Variants in CENPS observed in about 807,000 individuals in gnomAD.
The protein encoded by CENPS is centromere protein S.
A neutral mutation model predicts 17.9 loss-of-function variants in CENPS; 16 were observed. The observed-to-expected ratio is 0.90, with a 90% confidence interval of 0.61 to 1.36. CENPS has a LOEUF of 1.36. Ranked by LOEUF, CENPS falls within the 40% of genes most tolerant of loss-of-function variation. The pLI is 0.00. For missense variants in CENPS, 160 were observed against 158.6 expected (o/e 1.01, Z -0.05); for synonymous variants, 49 against 55.8 (o/e 0.88, Z 0.54).
chr1:10,431,304 C>T lies in CENPS; in HGVS notation c.51+736C>T, dbSNP rs1057203867. ...GAAACGCGGGAATGAGCTCCAGACGCGGGAGTTTCCTCTCTACAAAGTTAC... is the reference window on the plus strand; with the variant it reads ...GAAACGCGGGAATGAGCTCCAGACGTGGGAGTTTCCTCTCTACAAAGTTAC... On this transcript the variant is annotated intron_variant, in intron 1 of 4. Coordinates refer to ENST00000309048, the MANE Select transcript of CENPS (RefSeq NM_199294.3). 5 of 1,535,044 alleles carry T rather than the reference C, an allele frequency of 3.3e-6. No individual in the cohort carries two copies. In the Admixed American group the frequency reaches 7.9e-5, roughly 24 times the overall value.
At chr1:10,431,697 T>G (rs1438730945) in intron 1 of CENPS, among the ~76,000 whole-genome samples, 1 of 151,668 alleles carries the variant, frequency 6.6e-6, no homozygotes, top group Non-Finnish European at 1.5e-5. Flanking sequence ...CAACTAAAAG[T>G]ACAAAAATTA....
chr1:10,433,653 A>G (rs1008472678), intron 1 of CENPS, among the ~76,000 whole-genome samples, 189 bp from the exon 2 acceptor site: 2 of 152,180 alleles, frequency 1.3e-5, no homozygotes, highest in African/African-American at 2.4e-5. Flanking sequence ...CAAGGAAGTA[A>G]TGTTTCCACA....
rs1009591798 is a variant in CENPS at position 10,430,486 on chromosome 1, C to G, written c.-32C>G. 1.3e-6 allele frequency: 2 copies of G among 1,535,360 alleles called. No individual in the cohort carries two copies. The highest frequency in any genetic ancestry group is 1.8e-6 in the Non-Finnish European group (2 of 1,141,586). ...CGCGCACCACCGCCCCTTCTCGGCC[C>G]TCCTGCGTTTGCCCAGGGTCGGCCC... On this transcript the variant is annotated 5_prime_UTR_variant, in exon 1 of 5. Transcript: ENST00000309048.
At chr1:10,433,997 G>A (rs1359987013) in intron 2 of CENPS, 32 bp downstream of exon 2, 1 of 1,613,434 alleles carries the variant, frequency 6.2e-7, no homozygotes, top group African/African-American at 1.3e-5. Flanking sequence ...AGCCATGTCT[G>A]TAAACCCCAA....
Position 10,430,561 on chromosome 1 carries a change from A to C in CENPS, c.44A>C (p.Tyr15Ser). 1 of 1,533,136 alleles carries C rather than the reference A, an allele frequency of 6.5e-7. No homozygotes were observed. The highest frequency in any genetic ancestry group is 8.8e-7 in the Non-Finnish European group (1 of 1,140,478). The allele number at this position is 1,533,136 out of a possible 1,614,324, so 95.0% of individuals were successfully genotyped here. Reference sequence around the variant, plus strand: ...ACCGAGGAGCAGCAGCGATTCTCTTACCAACAGGTACAGGAAAACGGGGGT... The same window carrying C: ...ACCGAGGAGCAGCAGCGATTCTCTTCCCAACAGGTACAGGAAAACGGGGGT... The part of the protein sequence containing the change: ...AETEEQQRFS[Y>S]QQRLKAAVHY... Residue 15 changes from tyrosine to serine, a missense_variant, in exon 1 of 5, where the codon TAC (tyrosine) becomes TCC (serine). Tyr to Ser is a moderately radical substitution (Grantham distance 144). Coordinates refer to ENST00000309048, the MANE Select transcript of CENPS (RefSeq NM_199294.3).
At chr1:10,436,509 C>G (rs926636660) in intron 3 of CENPS, among the ~76,000 whole-genome samples, 2 of 148,226 alleles carry the variant, frequency 1.3e-5, no homozygotes, top group Admixed American at 6.7e-5. Flanking sequence ...CGAGACCAGC[C>G]TGGGCAACAG....
chr1:10,438,370 C>G (rs1302008203), intron 3 of CENPS, among the ~76,000 whole-genome samples: 1 of 152,008 alleles, frequency 6.6e-6, no homozygotes, highest in African/African-American at 2.4e-5. Flanking sequence ...GCCTCGAACT[C>G]CTGACCTCAA....
At position 10,442,529 on chromosome 1, in the gene CENPS, C is replaced by T; in HGVS notation, c.*124C>T. Reference sequence around the variant, plus strand: ...AAAAAAATAAAATAAAAAGGCTGGGCTAGGGTGCTTTTTGTGCTGAATTCT... The same window carrying T: ...AAAAAAATAAAATAAAAAGGCTGGGTTAGGGTGCTTTTTGTGCTGAATTCT... On this transcript the variant is annotated 3_prime_UTR_variant, in exon 5 of 5. Transcript: ENST00000309048. 1 of 1,331,068 alleles carries T rather than the reference C, an allele frequency of 7.5e-7. No individual in the cohort carries two copies. The highest frequency in any genetic ancestry group is 2.5e-5 in the South Asian group (1 of 39,514). The allele number at this position is 1,331,068 out of a possible 1,614,324, so 82.5% of individuals were successfully genotyped here. A position where few individuals can be genotyped will look rare whatever the true frequency, so the allele number is the denominator to read the frequency against.
intron 4 of CENPS, among the ~76,000 whole-genome samples, chr1:10,441,091 A>G (rs1174755016): frequency 6.6e-6 from 1 of 152,252 alleles, no homozygotes; most frequent in African/African-American, 2.4e-5. Context: ...GAAGGGCTCA[A>G]TAAATAGTTG....
intron 3 of CENPS, among the ~76,000 whole-genome samples, chr1:10,435,712 T>TACACACACACACACACACACAC (rs1157849538): frequency 2.1e-5 from 3 of 143,816 alleles, no homozygotes; most frequent in African/African-American, 7.8e-5. Flanking sequence ...AATATATATA[T>TACACACACACACACACACACAC]ATATACACAC....
intron 1 of CENPS, chr1:10,431,382 A>G: frequency 6.5e-7 from 1 of 1,535,392 alleles, no homozygotes; most frequent in Non-Finnish European, 8.7e-7. Flanking sequence ...TCAAACCTTC[A>G]GAAAAGTTGC....
chr1:10,436,327 CGTGCATGTGA>C (rs1640157045), intron 3 of CENPS, among the ~76,000 whole-genome samples: 1 of 150,770 alleles, frequency 6.6e-6, no homozygotes, highest in Non-Finnish European at 1.5e-5. Flanking sequence ...GGGGTATGTG[CGTGCATGTGA>C]GTGTGTGTGT....
intron 1 of CENPS, among the ~76,000 whole-genome samples, chr1:10,432,045 C>T (rs974722343): frequency 6.6e-6 from 1 of 151,914 alleles, no homozygotes; most frequent in Non-Finnish European, 1.5e-5. Flanking sequence ...TGGTGCATTG[C>T]ATTTAGTCAT....
At chr1:10,431,255 C>T in intron 1 of CENPS, 2 of 1,534,020 alleles carry the variant, frequency 1.3e-6, no homozygotes, top group Non-Finnish European at 1.7e-6. Flanking sequence ...CCCGGAGTGG[C>T]GACCTTAAAG....
chr1:10,435,353 G>A (rs542473354), intron 3 of CENPS, among the ~76,000 whole-genome samples: 51 of 152,106 alleles, frequency 3.4e-4, no homozygotes, highest in African/African-American at 1.2e-3. Flanking sequence ...ACTTGGATTC[G>A]GTGCCAGCCT....
chr1:10,433,463 C>A (rs924459786), intron 1 of CENPS, among the ~76,000 whole-genome samples: 1 of 152,196 alleles, frequency 6.6e-6, no homozygotes, highest in Non-Finnish European at 1.5e-5. Context: ...GTTCCCTGCC[C>A]GGTTTTTCAT....
At chr1:10,437,698 C>A (rs1392067916) in intron 3 of CENPS, among the ~76,000 whole-genome samples, 1 of 150,650 alleles carries the variant, frequency 6.6e-6, no homozygotes, top group Non-Finnish European at 1.5e-5. Flanking sequence ...CTCAGGTGAT[C>A]CACCCACCTC....
Position 10,442,531 on chromosome 1 carries a change from A to G in CENPS, c.*126A>G. 1 of 1,330,790 alleles carries G rather than the reference A, an allele frequency of 7.5e-7. No individual in the cohort carries two copies. Among genetic ancestry groups the G allele is most frequent in the Non-Finnish European group, 9.6e-7 (1 of 1,040,002 alleles). 82.4% of individuals were successfully genotyped at this position (1,330,790 alleles called of 1,614,324 possible). ...AAAAATAAAATAAAAAGGCTGGGCT[A>G]GGGTGCTTTTTGTGCTGAATTCTCC... On this transcript the variant is annotated 3_prime_UTR_variant, in exon 5 of 5. Coordinates refer to ENST00000309048, the MANE Select transcript of CENPS (RefSeq NM_199294.3).
chr1:10,433,071 C>A (rs921201664), intron 1 of CENPS, among the ~76,000 whole-genome samples: 4 of 152,168 alleles, frequency 2.6e-5, no homozygotes, highest in African/African-American at 9.7e-5. Context: ...CTTGTGGGTT[C>A]AGCTGTCATC....
Sources: allele counts gnomAD v4.1 joint callset (sites outside exome capture counted in the v4.1 genomes callset), GRCh38; gene constraint gnomAD v4.1.1; transcripts MANE v1.5; gene names NCBI Gene and HGNC (gene_info 2026-07-23, HGNC 2026-07-21).